Variants in CRPPA observed in about 807,000 individuals in gnomAD.
CRPPA encodes D-ribitol-5-phosphate cytidylyltransferase.
Under a neutral mutation model 52.0 loss-of-function variants are expected in CRPPA, and 43 were observed. The ratio of observed to expected loss-of-function variants is 0.83; its 90% confidence interval spans 0.65 to 1.07. CRPPA has a LOEUF of 1.07. Ranked by LOEUF, CRPPA falls within the 50% of genes least tolerant of loss-of-function variation. The pLI is 0.00. For synonymous variants in CRPPA, 250 were observed against 203.5 expected, an observed-to-expected ratio of 1.23 and a Z score of -1.94; for missense variants, 629 against 551.7, an observed-to-expected ratio of 1.14 and a Z score of -1.40.
At chr7:16,345,580 A>G (rs781005222) in intron 3 of CRPPA, among the ~76,000 whole-genome samples, 1 of 152,206 alleles carries the variant, frequency 6.6e-6, no homozygotes, top group Non-Finnish European at 1.5e-5. Flanking sequence ...GTGACAACAC[A>G]GCACACAGGA....
At chr7:16,138,294 A>T (rs532893008) in intron 9 of CRPPA, among the ~76,000 whole-genome samples, 1 of 152,326 alleles carries the variant, frequency 6.6e-6, no homozygotes, top group South Asian at 2.1e-4. Flanking sequence ...ATGCCTCAAG[A>T]AGAGAATTTG....
chr7:16,175,703 A>G (rs1011500092), intron 9 of CRPPA, among the ~76,000 whole-genome samples: 3 of 152,198 alleles, frequency 2.0e-5, no homozygotes, highest in African/African-American at 7.2e-5. Flanking sequence ...ATAATGAGAA[A>G]ACAATGTCTT....
At chr7:16,307,308 C>G (rs1784932131) in intron 4 of CRPPA, among the ~76,000 whole-genome samples, 1 of 152,142 alleles carries the variant, frequency 6.6e-6, no homozygotes, top group African/African-American at 2.4e-5. Context: ...GAATCACACT[C>G]TAAACCATCC....
At chr7:16,394,854 C>T (rs898426943) in intron 2 of CRPPA, among the ~76,000 whole-genome samples, 1 of 152,146 alleles carries the variant, frequency 6.6e-6, no homozygotes, top group African/African-American at 2.4e-5. Flanking sequence ...GTGAAAATAA[C>T]TTCTTGGCTG....
chr7:16,146,195 C>A (rs543135557), intron 9 of CRPPA, among the ~76,000 whole-genome samples: 5 of 151,282 alleles, frequency 3.3e-5, no homozygotes, highest in East Asian at 3.9e-4. Context: ...AATTTTTAAA[C>A]CTCCAACAAA....
intron 8 of CRPPA, among the ~76,000 whole-genome samples, chr7:16,226,588 A>T (rs1782657193): frequency 1.3e-5 from 2 of 151,940 alleles, no homozygotes; most frequent in African/African-American, 4.8e-5. Flanking sequence ...TTAGTATTAA[A>T]AATAAAACTC....
At chr7:16,351,133 G>A (rs1019969032) in intron 3 of CRPPA, among the ~76,000 whole-genome samples, 8 of 152,036 alleles carry the variant, frequency 5.3e-5, no homozygotes. Context: ...GAAATGAATT[G>A]TAACACAGTA....
At chr7:16,103,489 G>C (rs117530958) in intron 9 of CRPPA, among the ~76,000 whole-genome samples, 25 of 152,026 alleles carry the variant, frequency 1.6e-4, no homozygotes, top group Non-Finnish European at 3.2e-4. Context: ...TTAGATGAAG[G>C]CTACATTGTC....
intron 5 of CRPPA, among the ~76,000 whole-genome samples, chr7:16,290,329 G>A (rs1784534688): frequency 6.6e-6 from 1 of 151,114 alleles, no homozygotes; most frequent in Admixed American, 6.6e-5. Flanking sequence ...AACCACAATA[G>A]ATCCCAAATA....
chr7:16,252,477 C>T (rs1173261743), intron 8 of CRPPA, among the ~76,000 whole-genome samples: 1 of 152,164 alleles, frequency 6.6e-6, no homozygotes, highest in Non-Finnish European at 1.5e-5. Flanking sequence ...GAAGCATTCC[C>T]TTTGAAAACT....
intron 9 of CRPPA, among the ~76,000 whole-genome samples, chr7:16,208,266 G>C (rs909928698): frequency 2.0e-5 from 3 of 151,964 alleles, no homozygotes; most frequent in African/African-American, 7.3e-5. Context: ...AAGGGATAAG[G>C]GATAATTTTT....
In CRPPA at chr7:16,406,091, A is replaced by T; in HGVS notation, c.504T>A (p.Leu168=). The T allele has an allele frequency of 6.2e-7, 1 of 1,613,792 alleles. No individual in the cohort carries two copies. Among genetic ancestry groups the T allele is most frequent in the Non-Finnish European group, 8.5e-7 (1 of 1,179,812 alleles). The part of the protein sequence containing the change: ...VRPFVEEGVL[L]KVVTAAKEHG... ...GTTCCTTAGCAGCTGTGACAACTTT[A>T]AGAAGGACACCTTCCTCAACAAATG... The change falls in exon 2 of 10, where the codon CTT becomes CTA. Residue 168 remains leucine, a synonymous_variant. Transcript: ENST00000407010.
chr7:16,395,398 C>A (rs1292387435), intron 2 of CRPPA, among the ~76,000 whole-genome samples: 1 of 152,190 alleles, frequency 6.6e-6, no homozygotes, highest in African/African-American at 2.4e-5. Flanking sequence ...CAATGTACAA[C>A]AGAAATCCTC....
At chr7:16,380,097 GC>G (rs1263882762) in intron 2 of CRPPA, among the ~76,000 whole-genome samples, 1 of 150,616 alleles carries the variant, frequency 6.6e-6, no homozygotes, top group Non-Finnish European at 1.5e-5. Flanking sequence ...TCCAGTTTTT[GC>G]CCATTCAGTA....
intron 2 of CRPPA, among the ~76,000 whole-genome samples, chr7:16,398,197 C>T (rs958383140): frequency 6.6e-6 from 1 of 152,200 alleles, no homozygotes; most frequent in African/African-American, 2.4e-5. Context: ...CAACATGACA[C>T]GTGATCAAGA....
chr7:16,128,551 G>A (rs1782623750), intron 9 of CRPPA, among the ~76,000 whole-genome samples: 1 of 152,268 alleles, frequency 6.6e-6, no homozygotes, highest in African/African-American at 2.4e-5. Flanking sequence ...TAAACCAGAA[G>A]ATAGGTAACA....
At chr7:16,323,031 G>A (rs11973525) in intron 3 of CRPPA, among the ~76,000 whole-genome samples, 2,149 of 152,078 alleles carry the variant, frequency 0.014, 59 homozygotes, top group African/African-American at 0.049. Context: ...TGGGGGAACC[G>A]ACCCTATGAT....
At chr7:16,397,407 T>A (rs956091926) in intron 2 of CRPPA, among the ~76,000 whole-genome samples, 4 of 152,174 alleles carry the variant, frequency 2.6e-5, no homozygotes, top group African/African-American at 9.6e-5. Context: ...AACTGACACG[T>A]AATGGACACG....
intron 9 of CRPPA, among the ~76,000 whole-genome samples, chr7:16,150,620 A>C (rs1050150935): frequency 6.6e-6 from 1 of 152,360 alleles, no homozygotes; most frequent in African/African-American, 2.4e-5. Flanking sequence ...AATGAGTAAG[A>C]GTTAAGCCGA....
Sources: allele counts gnomAD v4.1 joint callset (sites outside exome capture counted in the v4.1 genomes callset), GRCh38; gene constraint gnomAD v4.1.1; transcripts MANE v1.5; gene names NCBI Gene and HGNC (gene_info 2026-07-23, HGNC 2026-07-21).